MPDU1: variants seen among roughly 807,000 people sequenced by gnomAD.
MPDU1 encodes the protein mannose-P-dolichol utilization defect 1, also known as mannose-P-dolichol utilization defect 1 protein.
Under a neutral mutation model 27.6 loss-of-function variants are expected in MPDU1, and 18 were observed. That is an observed-to-expected ratio of 0.65 (90% confidence interval 0.45 to 0.97). MPDU1 has a LOEUF of 0.97. MPDU1 is among the 50% of genes least tolerant of loss of function. MPDU1 has a pLI of 0.00. For synonymous variants in MPDU1, 142 were observed against 131.1 expected (o/e 1.08, Z -0.57); for missense variants, 279 against 297.4 (o/e 0.94, Z 0.46).
intron 3 of MPDU1, chr17:7,586,489 G>C: frequency 1.5e-6 from 1 of 645,630 alleles, no homozygotes; most frequent in South Asian, 1.7e-5. Context: ...AGCCCTTTTA[G>C]AAACCTAATC....
In MPDU1 at chr17:7,583,904, G is replaced by T. The variant is rs753100658; in HGVS notation, c.42G>T (p.Val14=). The change falls in exon 1 of 7, where the codon GTG becomes GTT. Residue 14 remains valine (V), a synonymous_variant. Transcript: ENST00000250124. The stretch of plus-strand genomic sequence containing the variant: ...ACGGACCGCTTAAACGGCTGCTCGT[G>T]CCGATTCTTTTACCTGAGAAATGCT... ...EADGPLKRLL[V]PILLPEKCYD... is the part of the protein sequence containing the mutation. The T allele has an allele frequency of 3.7e-6, 6 of 1,614,202 alleles. No homozygotes were observed. In the South Asian group the frequency reaches 6.6e-5, roughly 18 times the overall value.
chr17:7,586,303 G>GTGATGGGCACC (rs1469760507), intron 3 of MPDU1: 1 of 563,472 alleles, frequency 1.8e-6, no homozygotes, highest in Non-Finnish European at 3.2e-6. Context: ...GCTGGGTGTG[G>GTGATGGGCACC]TGATGGGCAC....
chr17:7,583,844 C>A (rs777508200), upstream of MPDU1: 3 of 1,612,872 alleles, frequency 1.9e-6, no homozygotes, highest in East Asian at 6.7e-5. Flanking sequence ...GAGAGACTGG[C>A]GGAAGCTAGC....
Position 7,588,013 on chromosome 17 carries a change from C to T in MPDU1, c.*462C>T, listed in dbSNP as rs545206972. The stretch of plus-strand genomic sequence containing the variant: ...CCGGCTGGGACTGTCTCCCGGACCC[C>T]AGTGCTGGGGTGGGGGAAGGGGGAC... On this transcript the variant is annotated 3_prime_UTR_variant, in exon 7 of 7. Transcript: ENST00000250124. 4.9e-3 allele frequency: 2,379 copies of T among 490,190 alleles called. 11 individuals are homozygous for T. Among genetic ancestry groups the T allele is most frequent in the Non-Finnish European group, 6.7e-3 (1,690 of 251,104 alleles). 30.4% of individuals were successfully genotyped at this position (490,190 alleles called of 1,614,324 possible). A position where few individuals can be genotyped will look rare whatever the true frequency, so the allele number is the denominator to read the frequency against.
At chr17:7,587,095 G>A in intron 5 of MPDU1, 66 bp from the exon 6 acceptor site, 1 of 1,567,896 alleles carries the variant, frequency 6.4e-7, no homozygotes, top group South Asian at 1.1e-5. Context: ...GTGTGGGGGT[G>A]TTGTACTTGG....
intron 3 of MPDU1, 153 bp from the exon 4 acceptor site, chr17:7,586,539 C>T (rs775155472): frequency 5.4e-4 from 399 of 740,588 alleles, no homozygotes; most frequent in Middle Eastern, 1.1e-3. Context: ...GTGAGCATCC[C>T]GAGAATGGCC....
rs1012880356 is a variant in MPDU1 at position 7,588,111 on chromosome 17, G to A, written c.*560G>A. The A allele has an allele frequency of 3.4e-5, 21 of 618,952 alleles. No homozygotes were observed. Among genetic ancestry groups the A allele is most frequent in the Non-Finnish European group, 5.1e-5 (17 of 333,182 alleles). The allele number at this position is 618,952 out of a possible 1,614,324, so 38.3% of individuals were successfully genotyped here. On this transcript the variant is annotated 3_prime_UTR_variant, in exon 7 of 7. Coordinates refer to ENST00000250124, the MANE Select transcript of MPDU1 (RefSeq NM_004870.4). ...CTCTGGCAGGTCTAGGCGGAAGGGA[G>A]TGGAGATGGGGCTGGTTCCTGCTGC...
At chr17:7,584,400 A>G in intron 1 of MPDU1, 1 of 358,518 alleles carries the variant, frequency 2.8e-6, no homozygotes. Context: ...TGATTTCGGA[A>G]TAATTTGCCT....
chr17:7,587,330 A>G, intron 6 of MPDU1, 59 bp downstream of exon 6: 3 of 1,612,778 alleles, frequency 1.9e-6, no homozygotes, highest in Non-Finnish European at 1.7e-6. Context: ...TCTCCCAGCT[A>G]AGGGCCAAAG....
At position 7,587,492 on chromosome 17, in the gene MPDU1, G is replaced by T. The variant is rs10852891; in HGVS notation, c.685G>T (p.Ala229Ser). ...VSSLCNGLIAAQLLFYWNAKP... is the reference protein window; with the variant it reads ...VSSLCNGLIASQLLFYWNAKP... ...CTCTCTCTGCAACGGCCTCATCGCC[G>T]CCCAGCTGCTCTTCTACTGGAATGC... Residue 229 changes from alanine (A) to serine (S), a missense_variant, in exon 7 of 7, where the codon GCC (alanine) becomes TCC (serine). Coordinates refer to ENST00000250124, the MANE Select transcript of MPDU1 (RefSeq NM_004870.4). The T allele has an allele frequency of 1.2e-6, 2 of 1,613,126 alleles. No homozygotes were observed. Among genetic ancestry groups the T allele is most frequent in the African/African-American group, 1.3e-5 (1 of 74,564 alleles).
rs1473696851 is a variant in MPDU1 at position 7,588,059 on chromosome 17, C to T, written c.*508C>T. ...GGGACGGAGAATGACTCAGGCAGGG[C>T]CCCAGGGTGGGGTGAGGAGGTTCCT... is the stretch of plus-strand genomic sequence containing the variant. On this transcript the variant is annotated 3_prime_UTR_variant, in exon 7 of 7. Transcript: ENST00000250124. 1.9e-6 allele frequency: 1 copy of T among 531,618 alleles called. No homozygotes were observed. The highest frequency in any genetic ancestry group is 3.6e-6 in the Non-Finnish European group (1 of 277,704). The allele number at this position is 531,618 out of a possible 1,614,324, so 32.9% of individuals were successfully genotyped here. A position where few individuals can be genotyped will look rare whatever the true frequency, so the allele number is the denominator to read the frequency against.
chr17:7,584,071 G>A, intron 1 of MPDU1, 106 bp downstream of exon 1: 11 of 1,138,702 alleles, frequency 9.7e-6, no homozygotes, highest in Non-Finnish European at 1.4e-5. Flanking sequence ...CCGCCATGCC[G>A]AGCTGGACGG....
chr17:7,585,304 A>G (rs1378146042), intron 1 of MPDU1, among the ~76,000 whole-genome samples: 1 of 152,048 alleles, frequency 6.6e-6, no homozygotes, highest in African/African-American at 2.4e-5. Context: ...AAGGAGGCTG[A>G]GGCAGGTGGA....
intron 6 of MPDU1, 31 bp from the exon 7 acceptor site, chr17:7,587,395 G>C: frequency 6.2e-7 from 1 of 1,613,962 alleles, no homozygotes; most frequent in South Asian, 1.1e-5. Flanking sequence ...CTATGCTGAA[G>C]GGTAACCCTG....
chr17:7,587,574 G>A lies in MPDU1; in HGVS notation c.*23G>A, dbSNP rs370530785. ...TAGAGCCAGCTACTGGAGTCATTCC[G>A]TTTCCACTCATTCACCCAACCTCAG... is the stretch of plus-strand genomic sequence containing the variant. On this transcript the variant is annotated 3_prime_UTR_variant, in exon 7 of 7. Transcript: ENST00000250124. 10 of 1,613,290 alleles carry A rather than the reference G, an allele frequency of 6.2e-6. No homozygotes were observed. In the African/African-American group the frequency reaches 6.7e-5, roughly 11 times the overall value.
Position 7,587,579 on chromosome 17 carries a change from C to T in MPDU1, c.*28C>T, listed in dbSNP as rs758537958. On this transcript the variant is annotated 3_prime_UTR_variant, in exon 7 of 7. Coordinates refer to ENST00000250124, the MANE Select transcript of MPDU1 (RefSeq NM_004870.4). ...CCAGCTACTGGAGTCATTCCGTTTC[C>T]ACTCATTCACCCAACCTCAGGGTTC... 2.3e-5 allele frequency: 37 copies of T among 1,613,448 alleles called. No individual in the cohort carries two copies. The South Asian group carries it at 3.2e-4, about 14-fold the overall frequency.
intron 2 of MPDU1, 21 bp from the exon 3 acceptor site, chr17:7,585,925 C>T: frequency 1.2e-6 from 2 of 1,614,170 alleles, no homozygotes; most frequent in Non-Finnish European, 1.7e-6. Flanking sequence ...CTCAGTCCTA[C>T]TTTTCTCATC....
chr17:7,587,413 C>T lies in MPDU1; in HGVS notation c.619-13C>T. ...TGCTGAAGGGTAACCCTGGCTCTGT[C>T]TCTTGCAACCAGGAAACCGGAGATC... is the stretch of plus-strand genomic sequence containing the variant. On this transcript the variant is annotated splice_polypyrimidine_tract_variant and intron_variant, in intron 6 of 6. Coordinates refer to ENST00000250124, the MANE Select transcript of MPDU1 (RefSeq NM_004870.4). The T allele has an allele frequency of 6.2e-7, 1 of 1,614,016 alleles. No homozygotes were observed. Among genetic ancestry groups the T allele is most frequent in the East Asian group, 2.2e-5 (1 of 44,856 alleles).
chr17:7,587,455 C>T lies in MPDU1; in HGVS notation c.648C>T (p.Thr216=), dbSNP rs760109502. The change falls in exon 7 of 7, where the codon ACC becomes ACT. Residue 216 remains threonine, a synonymous_variant. Transcript: ENST00000250124. The stretch of plus-strand genomic sequence containing the variant: ...CCGGAGATCCCCTGATGGCTGGGAC[C>T]TTTGTGGTCTCCTCTCTCTGCAACG... ...QETGDPLMAG[T]FVVSSLCNGL... 2.3e-5 allele frequency: 37 copies of T among 1,613,732 alleles called. No individual in the cohort carries two copies. The highest frequency in any genetic ancestry group is 1.3e-5 in the African/African-American group (1 of 74,794).
Sources: allele counts gnomAD v4.1 joint callset (sites outside exome capture counted in the v4.1 genomes callset), GRCh38; gene constraint gnomAD v4.1.1; transcripts MANE v1.5; gene names NCBI Gene and HGNC (gene_info 2026-07-23, HGNC 2026-07-21).